Variants in CIMIP1 observed in about 807,000 individuals in gnomAD.
CIMIP1 encodes the protein low in lung cancer 1.
At chr20:58,153,651 A>G in the CIMIP1 span, 1 of 1,448,584 alleles carries the variant, frequency 6.9e-7, no homozygotes, top group Non-Finnish European at 9.7e-7. Context: ...ATGAGCCCCA[A>G]GGTTACAGAA....
chr20:58,160,751 G>A, the CIMIP1 span: 79 of 1,614,138 alleles, frequency 4.9e-5, no homozygotes, highest in South Asian at 4.9e-4. Flanking sequence ...CCTAGAGCTC[G>A]ACGATGCGAT....
the CIMIP1 span, among the ~76,000 whole-genome samples, chr20:58,151,568 A>C: frequency 1.3e-5 from 2 of 151,956 alleles, no homozygotes; most frequent in East Asian, 3.9e-4. Context: ...GCCCACCACC[A>C]CACCCGGCTA....
At chr20:58,151,168 G>A in the CIMIP1 span, 1 of 785,982 alleles carries the variant, frequency 1.3e-6, no homozygotes, top group Non-Finnish European at 2.1e-6. Flanking sequence ...GTGCGCTGAG[G>A]ATGGTCAGGG....
At chr20:58,156,639 G>C in the CIMIP1 span, among the ~76,000 whole-genome samples, 1 of 152,176 alleles carries the variant, frequency 6.6e-6, no homozygotes, top group Non-Finnish European at 1.5e-5. Flanking sequence ...ATTGTGGGGA[G>C]AGGGACAGGA....
At chr20:58,153,493 C>T in the CIMIP1 span, 1 of 1,384,044 alleles carries the variant, frequency 7.2e-7, no homozygotes, top group Admixed American at 1.7e-5. Context: ...CCCCACAGAC[C>T]CCTTGAACCT....
At chr20:58,160,580 AC>A in the CIMIP1 span, 1 of 1,449,664 alleles carries the variant, frequency 6.9e-7, no homozygotes, top group Non-Finnish European at 9.2e-7. Flanking sequence ...TGTCTTTTCC[AC>A]CCCTGCCTCA....
At chr20:58,157,703 T>C in the CIMIP1 span, among the ~76,000 whole-genome samples, 1 of 152,192 alleles carries the variant, frequency 6.6e-6, no homozygotes, top group Non-Finnish European at 1.5e-5. Context: ...AGAATAATCG[T>C]GCAAGGAACA....
At chr20:58,160,180 T>A in the CIMIP1 span, among the ~76,000 whole-genome samples, 1 of 152,216 alleles carries the variant, frequency 6.6e-6, no homozygotes, top group African/African-American at 2.4e-5. Context: ...CATTTTCCTT[T>A]TGGTTTTTAA....
chr20:58,159,066 C>CGCAAG, the CIMIP1 span, among the ~76,000 whole-genome samples: 2 of 152,110 alleles, frequency 1.3e-5, no homozygotes, highest in Admixed American at 6.5e-5. Flanking sequence ...CAAACAGCTC[C>CGCAAG]GCAAGGCATC....
chr20:58,155,368 C>G, the CIMIP1 span: 1 of 932,704 alleles, frequency 1.1e-6, no homozygotes, highest in Non-Finnish European at 1.7e-6. Context: ...GAGGACACTC[C>G]CCCAGCTTCA....
the CIMIP1 span, chr20:58,153,470 G>A: frequency 8.8e-7 from 1 of 1,135,134 alleles, no homozygotes; most frequent in Non-Finnish European, 1.3e-6. Context: ...TGTTCGTGGA[G>A]AATGGAAATG....
the CIMIP1 span, chr20:58,155,523 A>C: frequency 6.2e-7 from 1 of 1,614,172 alleles, no homozygotes; most frequent in East Asian, 2.2e-5. Flanking sequence ...GAGCTTCCTG[A>C]GCGTTTCCGC....
chr20:58,159,479 C>T, the CIMIP1 span, among the ~76,000 whole-genome samples: 1 of 151,278 alleles, frequency 6.6e-6, no homozygotes, highest in African/African-American at 2.4e-5. Context: ...TGCGCCATTG[C>T]ACCCTAGCCT....
At chr20:58,150,953 C>A in the CIMIP1 span, 4 of 1,598,466 alleles carry the variant, frequency 2.5e-6, no homozygotes, top group Non-Finnish European at 3.4e-6. Context: ...GCGCACAGAG[C>A]CCCCAGGCCT....
At chr20:58,151,969 TGTA>T in the CIMIP1 span, among the ~76,000 whole-genome samples, 1 of 152,216 alleles carries the variant, frequency 6.6e-6, no homozygotes, top group Non-Finnish European at 1.5e-5. Flanking sequence ...ATAAGTAAGT[TGTA>T]GTAACAATAA....
the CIMIP1 span, chr20:58,151,111 C>T: frequency 2.9e-6 from 4 of 1,365,350 alleles, no homozygotes; most frequent in East Asian, 1.0e-4. Flanking sequence ...AGTTTCCCCA[C>T]CAAGTCCGGG....
the CIMIP1 span, among the ~76,000 whole-genome samples, chr20:58,153,177 C>G: frequency 6.6e-6 from 1 of 152,310 alleles, no homozygotes; most frequent in East Asian, 1.9e-4. Flanking sequence ...TCTGCACTTG[C>G]AGGAAGCAGG....
At chr20:58,155,435 TA>T in the CIMIP1 span, 3 of 1,545,194 alleles carry the variant, frequency 1.9e-6, no homozygotes, top group Non-Finnish European at 2.7e-6. Context: ...CAGCTTCACG[TA>T]AGACTTCCCA....
chr20:58,154,406 G>A, the CIMIP1 span, among the ~76,000 whole-genome samples: 1 of 152,236 alleles, frequency 6.6e-6, no homozygotes, highest in South Asian at 2.1e-4. Context: ...GCTTATGTGG[G>A]TTCTGGTGGG....
Sources: allele counts gnomAD v4.1 joint callset (sites outside exome capture counted in the v4.1 genomes callset), GRCh38; gene constraint gnomAD v4.1.1; transcripts MANE v1.5; gene names NCBI Gene and HGNC (gene_info 2026-07-23, HGNC 2026-07-21).